MUSK: variants seen among roughly 807,000 people sequenced by gnomAD.
The protein encoded by MUSK is muscle associated receptor tyrosine kinase.
MUSK carries 55 observed loss-of-function variants against 88.7 expected under a neutral mutation model. The observed-to-expected ratio is 0.62, with a 90% CI of 0.50 to 0.78. The LOEUF is 0.78. Among genes scored for constraint, MUSK ranks in the 30% least tolerant of loss-of-function variants. MUSK has a pLI of 0.00. For missense variants in MUSK, 1,015 were observed against 1,074.3 expected, an observed-to-expected ratio of 0.94 and a Z score of 0.77; for synonymous variants, 387 against 391.9, an observed-to-expected ratio of 0.99 and a Z score of 0.15.
At chr9:110,679,758 A>G (rs1406890624) in intron 1 of MUSK, among the ~76,000 whole-genome samples, 2 of 147,302 alleles carry the variant, frequency 1.4e-5, no homozygotes, top group Non-Finnish European at 3.0e-5. Flanking sequence ...AGGTTTTAAC[A>G]TAATCATTTA....
At chr9:110,724,753 G>C (rs973152918) in intron 5 of MUSK, among the ~76,000 whole-genome samples, 3 of 151,688 alleles carry the variant, frequency 2.0e-5, no homozygotes, top group African/African-American at 7.3e-5. Flanking sequence ...CTTCATTATT[G>C]CTATGTACTT....
intron 5 of MUSK, chr9:110,728,760 G>T: frequency 6.6e-7 from 1 of 1,507,888 alleles, no homozygotes; most frequent in Non-Finnish European, 8.9e-7. Flanking sequence ...TAATTGTGTA[G>T]CTCTTTTCAA....
chr9:110,791,322 C>T (rs2077972795), intron 14 of MUSK, among the ~76,000 whole-genome samples: 1 of 134,054 alleles, frequency 7.5e-6, no homozygotes, highest in African/African-American at 2.9e-5. Flanking sequence ...TCAGGGAGTT[C>T]CCTTTCTGAG....
At chr9:110,761,678 C>T (rs751926505) in intron 7 of MUSK, among the ~76,000 whole-genome samples, 2 of 150,616 alleles carry the variant, frequency 1.3e-5, no homozygotes, top group Non-Finnish European at 3.0e-5. Context: ...GGGGTTCACG[C>T]CATTCTCCTG....
At chr9:110,760,412 A>T (rs2077381800) in intron 7 of MUSK, among the ~76,000 whole-genome samples, 1 of 152,148 alleles carries the variant, frequency 6.6e-6, no homozygotes, top group South Asian at 2.1e-4. Flanking sequence ...CCTTTGCAGG[A>T]ACATGTATGG....
Position 110,715,420 on chromosome 9 carries a change from A to G in MUSK, c.628+17954A>G, listed in dbSNP as rs2076732036. ...CTAGTGAGAGTGAAGTGAGGATCCA[A>G]TTCTACCACCTGGATTGCTGTTAGG... On this transcript the variant is annotated intron_variant, in intron 5 of 14. Transcript: ENST00000374448. Among the ~76,000 whole-genome samples the G allele has an allele frequency of 1.3e-5, 2 of 149,116 alleles. 1 individual carries two copies. The highest frequency in any genetic ancestry group is 2.9e-5 in the Non-Finnish European group (2 of 67,842).
At chr9:110,687,482 G>A (rs1187305245) in intron 3 of MUSK, among the ~76,000 whole-genome samples, 2 of 151,768 alleles carry the variant, frequency 1.3e-5, no homozygotes, top group African/African-American at 2.4e-5. Context: ...CTACAGGTGC[G>A]TGCCACCAAG....
At chr9:110,800,182 A>G in intron 14 of MUSK, 124 bp from the exon 15 acceptor site, 3 of 868,548 alleles carry the variant, frequency 3.5e-6, no homozygotes, top group Non-Finnish European at 5.3e-6. Context: ...AAAAACAAAC[A>G]TACGACAACA....
intron 7 of MUSK, among the ~76,000 whole-genome samples, chr9:110,759,066 A>G (rs976742878): frequency 6.6e-6 from 1 of 152,226 alleles, no homozygotes. Context: ...GAATCATGCT[A>G]TCTTACTTCA....
chr9:110,671,838 T>C (rs992701307), intron 1 of MUSK, among the ~76,000 whole-genome samples: 1 of 152,234 alleles, frequency 6.6e-6, no homozygotes, highest in Non-Finnish European at 1.5e-5. Context: ...AGAGTTCATG[T>C]AAGCAGCTCT....
intron 6 of MUSK, among the ~76,000 whole-genome samples, chr9:110,741,708 T>G (rs2077101274): frequency 6.6e-6 from 1 of 152,204 alleles, no homozygotes; most frequent in African/African-American, 2.4e-5. Flanking sequence ...TTAATAAAAT[T>G]GTTTCATTTT....
At chr9:110,748,575 A>G (rs2077207982) in intron 7 of MUSK, among the ~76,000 whole-genome samples, 1 of 152,162 alleles carries the variant, frequency 6.6e-6, no homozygotes, top group Non-Finnish European at 1.5e-5. Flanking sequence ...TAATCCCTGT[A>G]TCAGGAAATG....
chr9:110,761,216 G>T (rs570119316), intron 7 of MUSK, among the ~76,000 whole-genome samples: 1 of 152,284 alleles, frequency 6.6e-6, no homozygotes, highest in Middle Eastern at 3.4e-3. Flanking sequence ...TTTGTCCTGG[G>T]AATCACATAC....
intron 14 of MUSK, among the ~76,000 whole-genome samples, chr9:110,797,292 CAAA>C (rs111652297): frequency 1.4e-5 from 2 of 146,246 alleles, no homozygotes; most frequent in South Asian, 2.2e-4. Context: ...AACAAACAAA[CAAA>C]AAAAAAGTTT....
chr9:110,733,420 G>GT (rs2076988722), intron 5 of MUSK, among the ~76,000 whole-genome samples: 1 of 152,022 alleles, frequency 6.6e-6, no homozygotes, highest in African/African-American at 2.4e-5. Flanking sequence ...CCTCCAATTT[G>GT]TAATGCATTG....
intron 5 of MUSK, among the ~76,000 whole-genome samples, chr9:110,729,326 T>TAAAAAAAA: frequency 2.1e-5 from 2 of 97,412 alleles, no homozygotes; most frequent in Admixed American, 1.2e-4. Flanking sequence ...CTGTTTTCTG[T>TAAAAAAAA]AAAAAAAAAA....
chr9:110,748,483 G>A (rs537941428), intron 7 of MUSK, among the ~76,000 whole-genome samples: 1 of 152,280 alleles, frequency 6.6e-6, no homozygotes, highest in Non-Finnish European at 1.5e-5. Flanking sequence ...GGATGTTTGT[G>A]TTGAGTTCTA....
Position 110,751,657 on chromosome 9 carries a change from G to A in MUSK, c.913+3857G>A, listed in dbSNP as rs182912502. ...CAGTGCGATGGAGGTCAGCTTTAGA[G>A]TGGGGAGAAGTTGGGGACCCTGGAA... On this transcript the variant is annotated intron_variant, in intron 7 of 14. Transcript: ENST00000374448. Among the ~76,000 whole-genome samples, 222 of 152,276 alleles carry A rather than the reference G, an allele frequency of 1.5e-3. 1 individual carries two copies. The highest frequency in any genetic ancestry group is 0.01 in the Middle Eastern group (3 of 294).
chr9:110,772,888 A>G (rs2077601941), intron 9 of MUSK, among the ~76,000 whole-genome samples: 1 of 152,122 alleles, frequency 6.6e-6, no homozygotes, highest in African/African-American at 2.4e-5. Flanking sequence ...GAAGTTGTCA[A>G]CCATTTTATA....
Sources: allele counts gnomAD v4.1 joint callset (sites outside exome capture counted in the v4.1 genomes callset), GRCh38; gene constraint gnomAD v4.1.1; transcripts MANE v1.5; gene names NCBI Gene and HGNC (gene_info 2026-07-23, HGNC 2026-07-21).